Variants in GRIN2A observed in about 807,000 individuals in gnomAD.
GRIN2A encodes glutamate ionotropic receptor NMDA type subunit 2A, also known as glutamate receptor ionotropic, NMDA 2A.
Under a neutral mutation model 113.4 loss-of-function variants are expected in GRIN2A, and 22 were observed. The ratio of observed to expected loss-of-function variants is 0.19; its 90% CI spans 0.14 to 0.28. GRIN2A has a LOEUF of 0.28. GRIN2A is among the 10% of genes least tolerant of loss of function. GRIN2A has a pLI of 1.00. For synonymous variants in GRIN2A, 827 were observed against 738.4 expected (o/e 1.12, Z -1.94); for missense variants, 1,502 against 1,887.0 (o/e 0.80, Z 3.78).
chr16:10,161,146 G>T (rs1240177589), intron 2 of GRIN2A, among the ~76,000 whole-genome samples: 2 of 152,180 alleles, frequency 1.3e-5, no homozygotes, highest in East Asian at 1.9e-4. Flanking sequence ...CATGAGAATG[G>T]TTACCCCCAT....
At chr16:9,885,466 T>A (rs1366254637) in intron 4 of GRIN2A, among the ~76,000 whole-genome samples, 1 of 152,216 alleles carries the variant, frequency 6.6e-6, no homozygotes, top group Non-Finnish European at 1.5e-5. Context: ...GAGTTCTGTG[T>A]CTGCAGTATA....
chr16:10,015,265 AAAAAAAGAAAAAAAAAAAG>A (rs1320808005), intron 2 of GRIN2A, among the ~76,000 whole-genome samples: 4 of 133,752 alleles, frequency 3.0e-5, no homozygotes, highest in African/African-American at 8.9e-5. Flanking sequence ...AAAAAAAAAA[AAAAAAAGAAAAAAAAAAAG>A]AAAAAGAAAG....
rs201830989 is a variant in GRIN2A, at chr16:9,840,832, A to G, written c.1498-32T>C. 3,777 of 1,231,556 alleles carry G rather than the reference A, an allele frequency of 3.1e-3. 45 individuals carry two copies. The East Asian group carries it at 0.057, about 19-fold the overall frequency. The allele number at this position is 1,231,556 out of a possible 1,614,324, so 76.3% of individuals were successfully genotyped here. ...GCAAGGCAAAAAAAAAAAAAAAAAA[A>G]AGAGAGAGAGAGAACAACAGTACTT... On this transcript the variant is annotated intron_variant, in intron 6 of 12. Coordinates refer to ENST00000330684, the MANE Select transcript of GRIN2A (RefSeq NM_001134407.3).
chr16:9,954,304 C>G (rs187516390), intron 2 of GRIN2A, among the ~76,000 whole-genome samples: 11 of 152,180 alleles, frequency 7.2e-5, no homozygotes, highest in Admixed American at 7.2e-4. Context: ...GTCTTGTTCC[C>G]CAGAGAACAA....
chr16:9,774,983 C>G (rs574749753), intron 11 of GRIN2A, among the ~76,000 whole-genome samples: 1 of 152,142 alleles, frequency 6.6e-6, no homozygotes, highest in South Asian at 2.1e-4. Flanking sequence ...GAAATTAGTT[C>G]TCTATTTGCC....
At chr16:9,948,021 C>T (rs918351025) in intron 2 of GRIN2A, among the ~76,000 whole-genome samples, 1 of 152,072 alleles carries the variant, frequency 6.6e-6, no homozygotes, top group Non-Finnish European at 1.5e-5. Context: ...TGGCTTTTTT[C>T]CACGTCTTCT....
chr16:9,866,196 A>C (rs2141412601), intron 4 of GRIN2A, among the ~76,000 whole-genome samples: 1 of 152,332 alleles, frequency 6.6e-6, no homozygotes. Flanking sequence ...GCTAACAGCC[A>C]AAGGGTGAAA....
intron 9 of GRIN2A, 65 bp from the exon 10 acceptor site, chr16:9,822,489 A>G: frequency 1.9e-6 from 2 of 1,069,278 alleles, no homozygotes; most frequent in Non-Finnish European, 2.9e-6. Context: ...GAGGGGGAGG[A>G]GAGAACAAAT....
chr16:9,960,400 G>C (rs1406315979), intron 2 of GRIN2A, among the ~76,000 whole-genome samples: 1 of 152,140 alleles, frequency 6.6e-6, no homozygotes. Context: ...GACTGTTCTT[G>C]GGTTGTAGCA....
chr16:10,099,591 G>A (rs8049630), intron 2 of GRIN2A, among the ~76,000 whole-genome samples: 25,088 of 152,172 alleles, frequency 0.16, 2,537 homozygotes, highest in East Asian at 0.36. Context: ...AGAGTAGGAC[G>A]GGTCAGAAGA....
intron 2 of GRIN2A, among the ~76,000 whole-genome samples, chr16:10,096,485 T>G (rs976696442): frequency 6.6e-6 from 1 of 151,498 alleles, no homozygotes; most frequent in Non-Finnish European, 1.5e-5. Flanking sequence ...TCTATATTGA[T>G]TCTCAGGTAA....
chr16:9,972,205 C>T (rs2045686419), intron 2 of GRIN2A, among the ~76,000 whole-genome samples: 1 of 152,172 alleles, frequency 6.6e-6, no homozygotes, highest in Non-Finnish European at 1.5e-5. Context: ...AGAACTAAGC[C>T]TCCACCTGAG....
chr16:9,838,913 G>T (rs1454006485), intron 7 of GRIN2A, among the ~76,000 whole-genome samples: 1 of 152,152 alleles, frequency 6.6e-6, no homozygotes, highest in East Asian at 1.9e-4. Context: ...CAGAAAGGGA[G>T]AGGATGGGAG....
At chr16:9,904,549 T>C (rs1419640690) in intron 3 of GRIN2A, among the ~76,000 whole-genome samples, 1 of 152,118 alleles carries the variant, frequency 6.6e-6, no homozygotes, top group Admixed American at 6.5e-5. Context: ...TTTTTTGCAT[T>C]ATTAATGAAG....
At chr16:10,149,589 A>T (rs574200524) in intron 2 of GRIN2A, among the ~76,000 whole-genome samples, 1 of 152,308 alleles carries the variant, frequency 6.6e-6, no homozygotes, top group East Asian at 1.9e-4. Context: ...TCCATCAGCA[A>T]GTACAGAGCA....
chr16:9,806,916 G>T (rs983146724), intron 10 of GRIN2A, among the ~76,000 whole-genome samples: 8 of 151,896 alleles, frequency 5.3e-5, no homozygotes, highest in African/African-American at 1.9e-4. Flanking sequence ...GGGACCCAGT[G>T]GGGGATAAAT....
chr16:9,899,768 G>A (rs908768231), intron 3 of GRIN2A, among the ~76,000 whole-genome samples: 3 of 152,104 alleles, frequency 2.0e-5, no homozygotes, highest in African/African-American at 7.2e-5. Flanking sequence ...TTTTAAGCCA[G>A]AGCTTAAAAG....
chr16:9,788,551 C>G (rs1902385067), intron 11 of GRIN2A, among the ~76,000 whole-genome samples: 1 of 151,934 alleles, frequency 6.6e-6, no homozygotes, highest in Admixed American at 6.6e-5. Context: ...AGCCATCATG[C>G]CTGGCCTTCT....
intron 2 of GRIN2A, among the ~76,000 whole-genome samples, chr16:10,040,018 C>A (rs1405221016): frequency 0.04 from 38 of 942 alleles, no homozygotes; most frequent in African/African-American, 0.047. Flanking sequence ...CATCCACACA[C>A]CACACACAAA....
Sources: gnomAD v4.1 joint callset for allele counts (sites outside exome capture counted in the v4.1 genomes callset) on GRCh38, gnomAD v4.1.1 for gene constraint, MANE v1.5 for transcripts, NCBI Gene and HGNC (gene_info 2026-07-23, HGNC 2026-07-21) for gene names.